Variants in CCDC88B observed in about 807,000 individuals in gnomAD.
The protein encoded by CCDC88B is coiled-coil and HOOK domain protein 88B.
CCDC88B carries 138 observed loss-of-function variants against 183.7 expected under a neutral mutation model. The ratio of observed to expected loss-of-function variants is 0.75; its 90% CI spans 0.65 to 0.87. The LOEUF (loss-of-function observed/expected upper bound fraction) is 0.87, where lower values mean the gene tolerates loss of function less well. CCDC88B is among the 40% of genes least tolerant of loss of function. The pLI, the probability that CCDC88B is intolerant of heterozygous loss-of-function variation, is 0.00. For synonymous variants in CCDC88B, 835 were observed against 867.5 expected, an observed-to-expected ratio of 0.96 and a Z score of 0.66; for missense variants, 1,822 against 1,965.6, an observed-to-expected ratio of 0.93 and a Z score of 1.38.
Position 64,354,096 on chromosome 11 carries a change from G to T in CCDC88B, c.4025G>T (p.Gly1342Val). The change falls in exon 24 of 27, where the codon GGG (glycine) becomes GTG (valine). Residue 1342 changes from glycine to valine, a missense_variant. By Grantham distance (109) the Gly-to-Val change is moderately radical (BLOSUM62 -3). Coordinates refer to ENST00000356786, the MANE Select transcript of CCDC88B (RefSeq NM_032251.6). ...GGGGGGCTGCGCCTGGGGGCCGATG[G>T]GGCTGGCAGCACCGAGAGCCTGGGG... ...PPGGLRLGAD[G>V]AGSTESLGGP... The T allele has an allele frequency of 7.1e-7, 1 of 1,409,032 alleles. No homozygotes were observed. The highest frequency in any genetic ancestry group is 9.3e-7 in the Non-Finnish European group (1 of 1,075,602). 87.3% of individuals were successfully genotyped at this position (1,409,032 alleles called of 1,614,324 possible).
intron 14 of CCDC88B, 180 bp from the exon 15 acceptor site, chr11:64,349,151 A>T: frequency 1.3e-6 from 1 of 794,764 alleles, no homozygotes; most frequent in African/African-American, 1.7e-5. Flanking sequence ...TTTCATGCCC[A>T]ATTTCAAGGG....
chr11:64,349,300 C>G, intron 14 of CCDC88B, 31 bp from the exon 15 acceptor site: 1 of 1,557,292 alleles, frequency 6.4e-7, no homozygotes, highest in Non-Finnish European at 8.7e-7. Context: ...CTCCTGCCCC[C>G]TTGCCCTGAG....
In CCDC88B at chr11:64,354,934, C is replaced by T. The variant is rs1237969231; in HGVS notation, c.4100-260C>T. On this transcript the variant is annotated intron_variant, in intron 24 of 26. Coordinates refer to ENST00000356786, the MANE Select transcript of CCDC88B (RefSeq NM_032251.6). ...ACCTCCTCCCTGCAGGAGCCTCAGC[C>T]CCCCCGCTCCCCTCGTCTGACCCCC... Among the ~76,000 whole-genome samples, 13 of 53,912 alleles carry T rather than the reference C, an allele frequency of 2.4e-4. 1 individual carries two copies. The highest frequency in any genetic ancestry group is 9.7e-4 in the Admixed American group (6 of 6,196). 35.4% of individuals were successfully genotyped at this position (53,912 alleles called of 152,430 possible).
rs774343841 is a variant in CCDC88B, at chr11:64,344,321, C to T, written c.1780C>T (p.Arg594Cys). The T allele has an allele frequency of 8.7e-6, 14 of 1,613,230 alleles. No homozygotes were observed. The highest frequency in any genetic ancestry group is 2.2e-5 in the East Asian group (1 of 44,866). Residue 594 changes from arginine to cysteine, a missense_variant, in exon 14 of 27, where the codon CGT (arginine) becomes TGT (cysteine). Physicochemically the swap from Arg to Cys is radical, Grantham distance 180. Transcript: ENST00000356786. The surrounding 1 kb of genome is among the most constrained non-coding windows in gnomAD (Gnocchi z 4.5). ...ETQESPEKAG[R>C]RSSLQSPASV... ...ACAGGAGTCCCCGGAGAAGGCTGGC[C>T]GTAGATCCTCTCTCCAGAGCCCTGC...
chr11:64,343,084 G>T, intron 10 of CCDC88B, 95 bp from the exon 11 acceptor site: 1 of 1,389,806 alleles, frequency 7.2e-7, no homozygotes, highest in Non-Finnish European at 9.5e-7. Flanking sequence ...GGGAGGCAGG[G>T]TCTGTGACAG....
At chr11:64,340,827 C>G (rs909238229) in intron 2 of CCDC88B, 75 bp downstream of exon 2, 12 of 1,545,490 alleles carry the variant, frequency 7.8e-6, no homozygotes, top group South Asian at 6.1e-5. Flanking sequence ...GAGCCTGATG[C>G]TCAGTGGGCG....
At position 64,353,794 on chromosome 11, in the gene CCDC88B, G is replaced by A. The variant is rs780504480; in HGVS notation, c.3913G>A (p.Val1305Met). Residue 1305 changes from valine (V) to methionine (M), a missense_variant, in exon 23 of 27, where the codon GTG becomes ATG. By Grantham distance (21) the Val-to-Met change is conservative. Transcript: ENST00000356786. ...IMDQYRVLEP[V>M]PLPRTKKGSW... Reference sequence around the variant, plus strand: ...GGACCAATACCGCGTGCTGGAGCCTGTGCCCCTGCCCCGGACCAAGTGAGC... The same window carrying A: ...GGACCAATACCGCGTGCTGGAGCCTATGCCCCTGCCCCGGACCAAGTGAGC... 9 of 1,613,970 alleles carry A rather than the reference G, an allele frequency of 5.6e-6. No homozygotes were observed. The Admixed American group carries it at 8.3e-5, about 15-fold the overall frequency.
chr11:64,349,759 G>C (rs926117234), intron 16 of CCDC88B, 91 bp downstream of exon 16: 5 of 1,244,844 alleles, frequency 4.0e-6, no homozygotes, highest in Admixed American at 4.1e-5. Flanking sequence ...TCCTAGTCTT[G>C]CCTCTGGATT....
intron 16 of CCDC88B, 52 bp from the exon 17 acceptor site, chr11:64,351,107 TC>T (rs983002235): frequency 1.5e-6 from 2 of 1,319,174 alleles, no homozygotes; most frequent in Admixed American, 6.2e-5. Context: ...CCTTGAGGCA[TC>T]CCCAAGGCAC....
chr11:64,356,015 A>ATTTTT (rs1565061920), intron 26 of CCDC88B: 1 of 60,934 alleles, frequency 1.6e-5, no homozygotes, highest in Non-Finnish European at 3.3e-5. Flanking sequence ...ATTAGACGTG[A>ATTTTT]TGTTTTTTTT....
chr11:64,341,504 G>T lies in CCDC88B; in HGVS notation c.531G>T (p.Glu177Asp). Reference protein sequence around the residue: ...VQSELAAAIQEVTQPGAGVVL... With the variant: ...VQSELAAAIQDVTQPGAGVVL... ...GCGAGCTGGCCGCTGCCATCCAGGA[G>T]GTACTGAGACGGTTCGGCAGCCCAG... Residue 177 changes from glutamate (E) to aspartate (D), a missense_variant and splice_region_variant, in exon 6 of 27, where the codon GAG becomes GAT. By Grantham distance (45) the Glu-to-Asp change is conservative. Coordinates refer to ENST00000356786, the MANE Select transcript of CCDC88B (RefSeq NM_032251.6). 6.2e-7 allele frequency: 1 copy of T among 1,613,754 alleles called. No homozygotes were observed. The highest frequency in any genetic ancestry group is 8.5e-7 in the Non-Finnish European group (1 of 1,180,012).
At chr11:64,346,897 C>T (rs1306928852) in intron 14 of CCDC88B, among the ~76,000 whole-genome samples, 5 of 151,964 alleles carry the variant, frequency 3.3e-5, no homozygotes, top group African/African-American at 9.7e-5. Flanking sequence ...CAGGTTCAAG[C>T]GATTTTCCTG....
Position 64,343,821 on chromosome 11 carries a change from G to A in CCDC88B, c.1362G>A (p.Arg454=). The A allele has an allele frequency of 6.3e-7, 1 of 1,594,802 alleles. No individual in the cohort carries two copies. The highest frequency in any genetic ancestry group is 8.5e-7 in the Non-Finnish European group (1 of 1,171,094). ...CCCCCTCGCTGCAAGATGAGGTGAG[G>A]GAGGCAGAGGCTGGGCGGCTTCGGA... is the stretch of plus-strand genomic sequence containing the variant. ...GAAPSLQDEV[R]EAEAGRLRTL... is the part of the protein sequence containing the mutation. The change falls in exon 13 of 27, where the codon AGG becomes AGA. Residue 454 remains arginine, a synonymous_variant. Transcript: ENST00000356786.
At chr11:64,346,436 T>A (rs1465112759) in intron 14 of CCDC88B, among the ~76,000 whole-genome samples, 1 of 146,148 alleles carries the variant, frequency 6.8e-6, no homozygotes, top group African/African-American at 2.5e-5. Flanking sequence ...GCCTGGCTAC[T>A]TTTTGTATTT....
At position 64,343,163 on chromosome 11, in the gene CCDC88B, C is replaced by T. The variant is rs1361052028; in HGVS notation, c.1063-16C>T. On this transcript the variant is annotated splice_polypyrimidine_tract_variant and intron_variant, in intron 10 of 26. Coordinates refer to ENST00000356786, the MANE Select transcript of CCDC88B (RefSeq NM_032251.6). ...GGGGGCTGCGTGGCTACCGGTTCTCCCTGCTCTCCCACCAGGAGGAGCGGG... is the reference window on the plus strand; with the variant it reads ...GGGGGCTGCGTGGCTACCGGTTCTCTCTGCTCTCCCACCAGGAGGAGCGGG... The T allele has an allele frequency of 8.6e-6, 13 of 1,518,648 alleles. No homozygotes were observed. The highest frequency in any genetic ancestry group is 2.8e-5 in the African/African-American group (2 of 72,012). 94.1% of individuals were successfully genotyped at this position (1,518,648 alleles called of 1,614,324 possible). A position where few individuals can be genotyped will look rare whatever the true frequency, so the allele number is the denominator to read the frequency against.
intron 22 of CCDC88B, 86 bp downstream of exon 22, chr11:64,353,582 G>A: frequency 6.3e-7 from 1 of 1,579,190 alleles, no homozygotes; most frequent in Non-Finnish European, 8.6e-7. Flanking sequence ...CCTAGGGACA[G>A]GGTTGGAGCT....
Position 64,342,315 on chromosome 11 carries a change from G to A in CCDC88B, c.843G>A (p.Leu281=), listed in dbSNP as rs1781976459. The A allele has an allele frequency of 6.3e-7, 1 of 1,592,988 alleles. No individual in the cohort carries two copies. Among genetic ancestry groups the A allele is most frequent in the Middle Eastern group, 1.8e-4 (1 of 5,566 alleles). ...RQELEEKAEL[L]LDSQAEVQGL... ...CCAGGGAGGAGAAGGCCGAGCTGCT[G>A]CTAGACTCCCAGGCCGAGGTGCAGG... Residue 281 remains leucine (L), a synonymous_variant, in exon 9 of 27, where the codon CTG becomes CTA. Transcript: ENST00000356786.
intron 14 of CCDC88B, among the ~76,000 whole-genome samples, chr11:64,346,887 C>A (rs1171868418): frequency 6.6e-6 from 1 of 151,992 alleles, no homozygotes; most frequent in Non-Finnish European, 1.5e-5. Context: ...CTCCACCTCC[C>A]AGGTTCAAGC....
In CCDC88B at chr11:64,352,865, A is replaced by G. The variant is rs2135313365; in HGVS notation, c.3478A>G (p.Arg1160Gly). 6.2e-7 allele frequency: 1 copy of G among 1,604,662 alleles called. No individual in the cohort carries two copies. The highest frequency in any genetic ancestry group is 2.2e-5 in the East Asian group (1 of 44,702). The change falls in exon 20 of 27, where the codon AGG becomes GGG. Residue 1160 changes from arginine to glycine, a missense_variant. Physicochemically the swap from Arg to Gly is moderately radical, Grantham distance 125. Transcript: ENST00000356786. Reference sequence around the variant, plus strand: ...GCGGGGCCTGGAGGAGGAGCTGCGGAGGCTTCAGAGCGAGCACGACAGGTG... The same window carrying G: ...GCGGGGCCTGGAGGAGGAGCTGCGGGGGCTTCAGAGCGAGCACGACAGGTG... ...RQRGLEEELR[R>G]LQSEHDRAQM... is the part of the protein sequence containing the mutation.
Sources: allele counts gnomAD v4.1 joint callset (sites outside exome capture counted in the v4.1 genomes callset), GRCh38; gene constraint gnomAD v4.1.1; non-coding constraint Gnocchi (gnomAD v3.1); transcripts MANE v1.5; gene names NCBI Gene and HGNC (gene_info 2026-07-23, HGNC 2026-07-21).